Variants in PRKG1 observed in about 807,000 individuals in gnomAD.
PRKG1 encodes the protein cGMP-dependent protein kinase 1.
PRKG1 carries 35 observed loss-of-function variants against 88.1 expected under a neutral mutation model. That is an observed-to-expected ratio of 0.40 (90% CI 0.30 to 0.53). The LOEUF (loss-of-function observed/expected upper bound fraction) is 0.53. Ranked by LOEUF, PRKG1 falls within the 20% of genes least tolerant of loss-of-function variation. PRKG1 has a pLI of 0.59. For synonymous variants in PRKG1, 303 were observed against 292.5 expected, an observed-to-expected ratio of 1.04 and a Z score of -0.37; for missense variants, 540 against 839.8, an observed-to-expected ratio of 0.64 and a Z score of 4.41.
intron 3 of PRKG1, among the ~76,000 whole-genome samples, chr10:51,561,377 C>A (rs1348319833): frequency 6.6e-6 from 1 of 151,918 alleles, no homozygotes; most frequent in African/African-American, 2.4e-5. Context: ...CAACAGAAAG[C>A]TATCTTCCCA....
chr10:52,087,604 A>C (rs889404203), intron 7 of PRKG1, among the ~76,000 whole-genome samples: 1 of 152,188 alleles, frequency 6.6e-6, no homozygotes, highest in Non-Finnish European at 1.5e-5. Flanking sequence ...AAATTTACTC[A>C]CATTTTCTTA....
chr10:51,481,925 G>A (rs1005448321), intron 3 of PRKG1, among the ~76,000 whole-genome samples: 1 of 151,752 alleles, frequency 6.6e-6, no homozygotes, highest in Non-Finnish European at 1.5e-5. Context: ...TTTTAAGAGG[G>A]GGTTATATAT....
chr10:51,520,246 T>A (rs1280082917), intron 3 of PRKG1, among the ~76,000 whole-genome samples: 1 of 146,276 alleles, frequency 6.8e-6, no homozygotes, highest in African/African-American at 2.5e-5. Context: ...TATATACATA[T>A]ATGGATATAC....
At chr10:51,180,189 G>C (rs1335955248) in intron 2 of PRKG1, among the ~76,000 whole-genome samples, 2 of 152,186 alleles carry the variant, frequency 1.3e-5, no homozygotes, top group African/African-American at 2.4e-5. Context: ...CTCACGGACT[G>C]TCTCTCTGAG....
At chr10:51,109,320 A>T (rs193114706) in intron 1 of PRKG1, among the ~76,000 whole-genome samples, 1 of 152,292 alleles carries the variant, frequency 6.6e-6, no homozygotes, top group Non-Finnish European at 1.5e-5. Flanking sequence ...ACACCACTTA[A>T]GGTTTATTAT....
chr10:51,138,680 T>TTC lies in PRKG1; in HGVS notation c.312-14483_312-14482insCT, dbSNP rs1564614776. ...CTTTTTGGACATTGAGTTTTGTTTT[T>TTC]TTTTTTTTTTTTTTTTTTTTTGAGA... On this transcript the variant is annotated intron_variant, in intron 1 of 17. Transcript: ENST00000373980. Among the ~76,000 whole-genome samples, 6 of 123,930 alleles carry TTC rather than the reference T, an allele frequency of 4.8e-5. 1 individual carries two copies. In the Admixed American group the frequency reaches 4.9e-4, roughly 10 times the overall value. 81.3% of individuals were successfully genotyped at this position (123,930 alleles called of 152,430 possible).
chr10:51,921,499 T>C (rs1332734201), intron 5 of PRKG1, among the ~76,000 whole-genome samples: 1 of 152,128 alleles, frequency 6.6e-6, no homozygotes, highest in Non-Finnish European at 1.5e-5. Context: ...TTGATCTCAA[T>C]GGGAAAGCAT....
intron 2 of PRKG1, among the ~76,000 whole-genome samples, chr10:51,182,388 A>G (rs1398944548): frequency 6.6e-6 from 1 of 152,216 alleles, no homozygotes; most frequent in Non-Finnish European, 1.5e-5. Context: ...TCCAAAGGCC[A>G]ACAGGTTCCT....
At chr10:52,113,682 A>C in intron 7 of PRKG1, among the ~76,000 whole-genome samples, 1 of 152,146 alleles carries the variant, frequency 6.6e-6, no homozygotes, top group East Asian at 1.9e-4. Flanking sequence ...GATTAAGAGC[A>C]AAGATGGCAA....
intron 3 of PRKG1, among the ~76,000 whole-genome samples, chr10:51,502,277 G>A (rs1418793396): frequency 1.3e-5 from 2 of 151,998 alleles, no homozygotes; most frequent in Non-Finnish European, 2.9e-5. Context: ...GTTTCCTGGG[G>A]CACTCAGAAT....
At chr10:52,112,329 T>C (rs1199265841) in intron 7 of PRKG1, among the ~76,000 whole-genome samples, 1 of 152,160 alleles carries the variant, frequency 6.6e-6, no homozygotes, top group Non-Finnish European at 1.5e-5. Context: ...TTCTGGAGCT[T>C]CAGTTTCCTC....
At chr10:51,863,113 C>T (rs1461764677) in intron 4 of PRKG1, among the ~76,000 whole-genome samples, 2 of 115,240 alleles carry the variant, frequency 1.7e-5, no homozygotes, top group African/African-American at 6.8e-5. Flanking sequence ...TTGCTGTGCC[C>T]ATATAAATCA....
intron 10 of PRKG1, among the ~76,000 whole-genome samples, chr10:52,261,081 A>C (rs1841421628): frequency 6.6e-6 from 1 of 151,932 alleles, no homozygotes; most frequent in Non-Finnish European, 1.5e-5. Flanking sequence ...AGAAAGTATT[A>C]GGTTCTTTTT....
chr10:52,174,377 T>C (rs915551823), intron 9 of PRKG1, among the ~76,000 whole-genome samples: 1 of 151,974 alleles, frequency 6.6e-6, no homozygotes, highest in Non-Finnish European at 1.5e-5. Context: ...TCAGCTTCTT[T>C]CTTCAGGAAG....
chr10:52,078,039 G>A (rs1384847747), intron 7 of PRKG1, among the ~76,000 whole-genome samples: 2 of 152,142 alleles, frequency 1.3e-5, no homozygotes, highest in East Asian at 1.9e-4. Flanking sequence ...CTGTCTACTC[G>A]ACGACATCGT....
At chr10:51,985,141 A>T (rs1005400023) in intron 5 of PRKG1, among the ~76,000 whole-genome samples, 1 of 152,164 alleles carries the variant, frequency 6.6e-6, no homozygotes, top group African/African-American at 2.4e-5. Context: ...TTCTATTTTT[A>T]TTCCATGCCT....
chr10:51,614,837 A>G (rs1350271643), intron 3 of PRKG1, among the ~76,000 whole-genome samples: 3 of 152,000 alleles, frequency 2.0e-5, no homozygotes, highest in Non-Finnish European at 4.4e-5. Context: ...TGTCTGGGAA[A>G]TGCTTTATTT....
At chr10:51,699,921 A>G (rs549195155) in intron 3 of PRKG1, among the ~76,000 whole-genome samples, 1 of 152,212 alleles carries the variant, frequency 6.6e-6, no homozygotes, top group South Asian at 2.1e-4. Context: ...TCTTCCCTTG[A>G]CGTCAAAGGC....
At chr10:51,482,549 T>C (rs1386922063) in intron 3 of PRKG1, among the ~76,000 whole-genome samples, 1 of 152,192 alleles carries the variant, frequency 6.6e-6, no homozygotes, top group East Asian at 1.9e-4. Context: ...CAATGGCTTC[T>C]AGTCTTTTCC....
Sources: allele counts gnomAD v4.1 joint callset (sites outside exome capture counted in the v4.1 genomes callset), GRCh38; gene constraint gnomAD v4.1.1; transcripts MANE v1.5; gene names NCBI Gene and HGNC (gene_info 2026-07-23, HGNC 2026-07-21).